The following BID variants were observed in gnomAD, a reference collection of about 807,000 sequenced individuals.
BID encodes BH3 interacting domain death agonist.
Under a neutral mutation model 17.4 loss-of-function variants are expected in BID, and 19 were observed. The ratio of observed to expected loss-of-function variants is 1.09; its 90% CI spans 0.76 to 1.60. The LOEUF (loss-of-function observed/expected upper bound fraction) is 1.60. Ranked by LOEUF, BID falls within the 40% of genes most tolerant of loss-of-function variation. The pLI, the probability that BID is intolerant of heterozygous loss-of-function variation, is 0.00. For missense variants in BID, 226 were observed against 256.0 expected (o/e 0.88, Z 0.80); for synonymous variants, 108 against 102.8 (o/e 1.05, Z -0.31).
chr22:17,748,655 C>T (rs568047627), intron 2 of BID, among the ~76,000 whole-genome samples: 1 of 152,354 alleles, frequency 6.6e-6, no homozygotes, highest in South Asian at 2.1e-4. Context: ...TGCCGTACTG[C>T]TGCCTCCGCT....
intron 1 of BID, among the ~76,000 whole-genome samples, chr22:17,768,382 G>A (rs2061693529): frequency 6.6e-6 from 1 of 152,240 alleles, no homozygotes; most frequent in Non-Finnish European, 1.5e-5. Flanking sequence ...GGCCCCAGAA[G>A]TCAGTGGACC....
chr22:17,760,225 C>T (rs543254808), intron 1 of BID, among the ~76,000 whole-genome samples: 1 of 151,180 alleles, frequency 6.6e-6, no homozygotes, highest in African/African-American at 2.4e-5. Flanking sequence ...GAGGGCAGAT[C>T]ACTTGAGGTC....
chr22:17,743,732 T>C, intron 3 of BID, 71 bp downstream of exon 3: 1 of 1,491,930 alleles, frequency 6.7e-7, no homozygotes, highest in Non-Finnish European at 9.0e-7. Context: ...CTTCCAGCCC[T>C]GAGGCTCCCT....
chr22:17,750,032 G>T, intron 2 of BID, 73 bp downstream of exon 2: 1 of 1,441,642 alleles, frequency 6.9e-7, no homozygotes, highest in Non-Finnish European at 9.6e-7. Context: ...GGGATGCGTG[G>T]TGGGGGACAC....
rs2087703000 is a variant in BID, at chr22:17,769,098, A to G, written c.-59+5283T>C. Among the ~76,000 whole-genome samples the G allele has an allele frequency of 1.3e-5, 2 of 152,186 alleles. No individual in the cohort carries two copies. Among genetic ancestry groups the G allele is most frequent in the African/African-American group, 4.8e-5 (2 of 41,452 alleles). ...ATAATAACTAAATAAATAAAGAACA[A>G]GGCTTTCACCACATCCCAGGCAGAG... On this transcript the variant is annotated intron_variant, in intron 1 of 5. Coordinates refer to ENST00000622694, the MANE Select transcript of BID (RefSeq NM_001196.4). The surrounding 1 kb of genome is among the most constrained non-coding windows in gnomAD (Gnocchi z 4.8).
At chr22:17,750,325 G>A in intron 1 of BID, 151 bp from the exon 2 acceptor site, 1 of 696,496 alleles carries the variant, frequency 1.4e-6, no homozygotes, top group South Asian at 1.8e-5. Flanking sequence ...TTTCTCCTTG[G>A]CGGGAGCCAA....
At chr22:17,752,759 G>A (rs1267255361) in intron 1 of BID, among the ~76,000 whole-genome samples, 1 of 151,782 alleles carries the variant, frequency 6.6e-6, no homozygotes, top group Non-Finnish European at 1.5e-5. Context: ...TCCACTTCCC[G>A]GGTTCCAGGG....
chr22:17,747,309 T>A (rs2061501029), intron 2 of BID, among the ~76,000 whole-genome samples: 1 of 152,206 alleles, frequency 6.6e-6, no homozygotes, highest in African/African-American at 2.4e-5. Flanking sequence ...TCATGCCCTT[T>A]TTTGATCTTC....
At chr22:17,735,619 A>G in intron 5 of BID, 28 bp from the exon 6 acceptor site, 3 of 1,614,098 alleles carry the variant, frequency 1.9e-6, no homozygotes, top group Non-Finnish European at 2.5e-6. Flanking sequence ...AAAAAGCCAG[A>G]ATCAGCTAGG....
intron 1 of BID, among the ~76,000 whole-genome samples, chr22:17,768,020 T>C (rs2061690928): frequency 6.6e-6 from 1 of 152,044 alleles, no homozygotes; most frequent in Non-Finnish European, 1.5e-5. Flanking sequence ...ATGAAAGAAG[T>C]CAGTCACAAA....
At chr22:17,746,151 A>T (rs554981750) in intron 2 of BID, among the ~76,000 whole-genome samples, 5 of 152,108 alleles carry the variant, frequency 3.3e-5, no homozygotes, top group Admixed American at 2.0e-4. Context: ...GTTCTCACTT[A>T]TAAGTGGGAG....
chr22:17,763,882 T>C (rs932630568), intron 1 of BID, among the ~76,000 whole-genome samples: 1 of 146,928 alleles, frequency 6.8e-6, no homozygotes, highest in Non-Finnish European at 1.5e-5. Flanking sequence ...AAGGTGAACA[T>C]ATATATAGAC....
At chr22:17,757,708 C>CAAA (rs34700137) in intron 1 of BID, among the ~76,000 whole-genome samples, 9,386 of 94,664 alleles carry the variant, frequency 0.099, 1,179 homozygotes, top group African/African-American at 0.3. Context: ...GACTCCGTCT[C>CAAA]AAAAAAAAAA....
chr22:17,748,306 G>A (rs1195575680), intron 2 of BID, among the ~76,000 whole-genome samples: 7 of 150,250 alleles, frequency 4.7e-5, no homozygotes, highest in Non-Finnish European at 1.0e-4. Flanking sequence ...TCAGGAGATC[G>A]AGACCATCCT....
chr22:17,740,049 C>T (rs762975501), intron 3 of BID: 7 of 1,600,566 alleles, frequency 4.4e-6, no homozygotes, highest in East Asian at 4.5e-5. Context: ...CCTCCTCTGG[C>T]GCACAGCCTC....
chr22:17,742,901 G>T (rs2061470726), intron 3 of BID, among the ~76,000 whole-genome samples: 1 of 152,396 alleles, frequency 6.6e-6, no homozygotes, highest in South Asian at 2.1e-4. Flanking sequence ...CAGCCCCTTG[G>T]CAAAGGGGAG....
At chr22:17,764,183 T>G (rs2061662249) in intron 1 of BID, 1 of 154,656 alleles carries the variant, frequency 6.5e-6, no homozygotes, top group Admixed American at 6.5e-5. Flanking sequence ...GGCGTCAGAC[T>G]GTGCTCTCTC....
At chr22:17,738,955 GA>G (rs1352393113) in intron 4 of BID, among the ~76,000 whole-genome samples, 1 of 152,148 alleles carries the variant, frequency 6.6e-6, no homozygotes, top group East Asian at 1.9e-4. Context: ...GTAGAGCTCA[GA>G]AAGTTGTGTG....
At chr22:17,756,950 TTAAC>T (rs10590887) in intron 1 of BID, among the ~76,000 whole-genome samples, 27,389 of 151,934 alleles carry the variant, frequency 0.18, 2,605 homozygotes, top group Middle Eastern at 0.24. Context: ...AGAGTTCAAT[TTAAC>T]TAAGCCTCCT....
Sources: allele counts gnomAD v4.1 joint callset (sites outside exome capture counted in the v4.1 genomes callset), GRCh38; gene constraint gnomAD v4.1.1; non-coding constraint Gnocchi (gnomAD v3.1); transcripts MANE v1.5; gene names NCBI Gene and HGNC (gene_info 2026-07-23, HGNC 2026-07-21).